Variants in AUTS2 observed in about 807,000 individuals in gnomAD.
AUTS2 encodes the protein autism susceptibility gene 2 protein.
A neutral mutation model predicts 112.4 loss-of-function variants in AUTS2; 17 were observed. That is an observed-to-expected ratio of 0.15 (90% CI 0.10 to 0.23). AUTS2 has a LOEUF of 0.23. Among genes scored for constraint, AUTS2 ranks in the 10% least tolerant of loss-of-function variants. The pLI, the probability that AUTS2 is intolerant of heterozygous loss-of-function variation, is 1.00. For synonymous variants in AUTS2, 751 were observed against 702.7 expected, an observed-to-expected ratio of 1.07 and a Z score of -1.09; for missense variants, 1,510 against 1,701.6, an observed-to-expected ratio of 0.89 and a Z score of 1.98.
Position 69,633,281 on chromosome 7 carries a change from G to A in AUTS2, c.309+33319G>A, listed in dbSNP as rs375855594. Among the ~76,000 whole-genome samples, 133 of 151,758 alleles carry A rather than the reference G, an allele frequency of 8.8e-4. 3 individuals are homozygous for A. The South Asian group carries it at 0.028, about 32-fold the overall frequency. ...AAATGGTAAGATTGAGTTTTTTTAA[G>A]GGCTCAATAATATTCATACACACAC... On this transcript the variant is annotated intron_variant, in intron 1 of 18. Coordinates refer to ENST00000342771, the MANE Select transcript of AUTS2 (RefSeq NM_015570.4).
rs574184403 is a variant in AUTS2 at position 69,821,744 on chromosome 7, C to T, written c.310-77542C>T. Among the ~76,000 whole-genome samples the T allele has an allele frequency of 2.2e-4, 34 of 151,910 alleles. 1 individual carries two copies. The highest frequency in any genetic ancestry group is 2.2e-3 in the Admixed American group (34 of 15,256). ...TCACCTTGACGTCCAAGGCTTCATT[C>T]TTGAAGTCAGTGAGACCAAGAACCC... On this transcript the variant is annotated intron_variant, in intron 1 of 18. Coordinates refer to ENST00000342771, the MANE Select transcript of AUTS2 (RefSeq NM_015570.4).
At chr7:70,017,048 C>T (rs957573095) in intron 2 of AUTS2, among the ~76,000 whole-genome samples, 7 of 152,284 alleles carry the variant, frequency 4.6e-5, no homozygotes, top group African/African-American at 1.7e-4. Flanking sequence ...TGAACTGGCA[C>T]AGTGATGAAG....
chr7:70,063,538 A>G (rs1319641913), intron 2 of AUTS2, among the ~76,000 whole-genome samples: 3 of 152,182 alleles, frequency 2.0e-5, no homozygotes, highest in Non-Finnish European at 4.4e-5. Context: ...CAGAGATCAT[A>G]GCACCTCATA....
intron 4 of AUTS2, among the ~76,000 whole-genome samples, chr7:70,385,156 C>T (rs1026027296): frequency 6.6e-6 from 1 of 152,268 alleles, no homozygotes; most frequent in Admixed American, 6.5e-5. Flanking sequence ...TGCACCTCAC[C>T]GCACATAATC....
rs148515809 is a variant in AUTS2, at chr7:69,994,171, C to T, written c.522+94673C>T. On this transcript the variant is annotated intron_variant, in intron 2 of 18. Transcript: ENST00000342771. ...GCTTGAGCCCAGAAGTTTGAGGTTA[C>T]GATGAGCTATGATTGTACCATTGCA... Among the ~76,000 whole-genome samples, 113 of 152,150 alleles carry T rather than the reference C, an allele frequency of 7.4e-4. 5 individuals are homozygous for T. In the East Asian group the frequency reaches 0.02, roughly 27 times the overall value.
intron 1 of AUTS2, among the ~76,000 whole-genome samples, chr7:69,607,726 C>T (rs1792809413): frequency 6.6e-6 from 1 of 152,086 alleles, no homozygotes; most frequent in African/African-American, 2.4e-5. Context: ...CCTCTGGAGC[C>T]CTGGAAAACC....
chr7:70,610,898 A>G (rs1028756296), intron 5 of AUTS2, among the ~76,000 whole-genome samples: 4 of 152,146 alleles, frequency 2.6e-5, no homozygotes, highest in African/African-American at 7.2e-5. Context: ...CCCTTATCAG[A>G]TACATGATTT....
intron 2 of AUTS2, among the ~76,000 whole-genome samples, chr7:70,049,244 G>GAATA (rs1304406573): frequency 6.6e-6 from 1 of 152,128 alleles, no homozygotes; most frequent in Non-Finnish European, 1.5e-5. Flanking sequence ...CAATCCAGTA[G>GAATA]TGTTGTCATA....
chr7:69,685,336 T>G (rs1207530777), intron 1 of AUTS2, among the ~76,000 whole-genome samples: 1 of 152,226 alleles, frequency 6.6e-6, no homozygotes, highest in Non-Finnish European at 1.5e-5. Context: ...CTGTGACTAC[T>G]CTGACTGGAT....
intron 1 of AUTS2, among the ~76,000 whole-genome samples, chr7:69,884,086 C>T (rs1270140306): frequency 6.6e-6 from 1 of 152,140 alleles, no homozygotes; most frequent in Admixed American, 6.5e-5. Flanking sequence ...TTTGTGAGAG[C>T]ATGGAAGGAA....
intron 2 of AUTS2, among the ~76,000 whole-genome samples, chr7:69,901,047 A>G (rs1794950460): frequency 6.6e-6 from 1 of 152,214 alleles, no homozygotes; most frequent in Non-Finnish European, 1.5e-5. Context: ...GGAAGGAGCC[A>G]GGGTTTAGAC....
At chr7:69,600,437 G>C (rs1192551708) in intron 1 of AUTS2, among the ~76,000 whole-genome samples, 1 of 150,992 alleles carries the variant, frequency 6.6e-6, no homozygotes, top group African/African-American at 2.4e-5. Context: ...GTGTGTGTGT[G>C]TGTGTCTGTG....
intron 2 of AUTS2, among the ~76,000 whole-genome samples, chr7:69,949,103 A>G (rs540297614): frequency 6.6e-6 from 1 of 152,240 alleles, no homozygotes; most frequent in East Asian, 1.9e-4. Flanking sequence ...CACCACGCCC[A>G]GCCTATTTCT....
intron 1 of AUTS2, among the ~76,000 whole-genome samples, chr7:69,806,764 T>C (rs1225429834): frequency 1.3e-5 from 2 of 152,224 alleles, no homozygotes; most frequent in Non-Finnish European, 2.9e-5. Flanking sequence ...GCATTTTCAT[T>C]CCAGAGCCTT....
At chr7:69,844,844 T>C (rs983925422) in intron 1 of AUTS2, among the ~76,000 whole-genome samples, 2 of 152,190 alleles carry the variant, frequency 1.3e-5, no homozygotes, top group Non-Finnish European at 2.9e-5. Flanking sequence ...TGTTACATAC[T>C]ACCTAACAGT....
chr7:70,636,041 A>G (rs566865646), intron 5 of AUTS2, among the ~76,000 whole-genome samples: 1 of 152,220 alleles, frequency 6.6e-6, no homozygotes, highest in East Asian at 1.9e-4. Context: ...CTCTGGAAGA[A>G]GGAGTGATTT....
chr7:70,645,985 C>T (rs996170045), intron 5 of AUTS2, among the ~76,000 whole-genome samples: 1 of 152,146 alleles, frequency 6.6e-6, no homozygotes, highest in Non-Finnish European at 1.5e-5. Flanking sequence ...GTGCGTCTAA[C>T]CCATTTCACA....
intron 5 of AUTS2, among the ~76,000 whole-genome samples, chr7:70,471,114 G>C (rs945241025): frequency 1.3e-5 from 2 of 152,152 alleles, no homozygotes; most frequent in African/African-American, 4.8e-5. Context: ...CTATTTCACC[G>C]CACAAAGGCT....
At chr7:69,652,025 G>A (rs943132329) in intron 1 of AUTS2, among the ~76,000 whole-genome samples, 1 of 152,198 alleles carries the variant, frequency 6.6e-6, no homozygotes, top group Non-Finnish European at 1.5e-5. Flanking sequence ...GATTAGGCCA[G>A]ATTAGATTAA....
Sources: allele counts gnomAD v4.1 joint callset (sites outside exome capture counted in the v4.1 genomes callset), GRCh38; gene constraint gnomAD v4.1.1; transcripts MANE v1.5; gene names NCBI Gene and HGNC (gene_info 2026-07-23, HGNC 2026-07-21).